ZNF595: variants seen among roughly 807,000 people sequenced by gnomAD.
ZNF595 encodes the protein zinc finger protein 595.
Under a neutral mutation model 19.4 loss-of-function variants are expected in ZNF595, and 9 were observed. That is an observed-to-expected ratio of 0.46 (90% CI 0.28 to 0.81). The LOEUF (loss-of-function observed/expected upper bound fraction) is 0.81. Among genes scored for constraint, ZNF595 ranks in the 30% least tolerant of loss-of-function variants. The pLI, the probability that ZNF595 is intolerant of heterozygous loss-of-function variation, is 0.11. For missense variants in ZNF595, 729 were observed against 736.0 expected (o/e 0.99, Z 0.11); for synonymous variants, 255 against 255.9 (o/e 1.00, Z 0.03).
chr4:76,829 G>C (rs1713683595), intron 3 of ZNF595, among the ~76,000 whole-genome samples: 2 of 152,030 alleles, frequency 1.3e-5, no homozygotes, highest in South Asian at 4.1e-4. Context: ...TAACCTTATA[G>C]GGGTTCCCTT....
intron 3 of ZNF595, among the ~76,000 whole-genome samples, chr4:77,760 T>C (rs1713732207): frequency 6.6e-6 from 1 of 152,140 alleles, no homozygotes; most frequent in South Asian, 2.1e-4. Context: ...TCAATAAGAC[T>C]GGCCTGAGAC....
Position 87,024 on chromosome 4 carries a change from C to T in ZNF595, c.1520C>T (p.Pro507Leu). The T allele has an allele frequency of 5.0e-6, 8 of 1,613,786 alleles. No homozygotes were observed. Among genetic ancestry groups the T allele is most frequent in the Non-Finnish European group, 5.9e-6 (7 of 1,179,928 alleles). Reference sequence around the variant, plus strand: ...AAGAATATTCATACTGGAGAGAAACCCTACAAATGTAAAGAATGTGGCAAA... The same window carrying T: ...AAGAATATTCATACTGGAGAGAAACTCTACAAATGTAAAGAATGTGGCAAA... ...EHKNIHTGEK[P>L]YKCKECGKAF... is the part of the protein sequence containing the mutation. The change falls in exon 4 of 4, where the codon CCC (proline) becomes CTC (leucine). Residue 507 changes from proline (P) to leucine (L), a missense_variant. Coordinates refer to ENST00000610261, the MANE Select transcript of ZNF595 (RefSeq NM_182524.4).
intron 3 of ZNF595, among the ~76,000 whole-genome samples, chr4:67,082 G>A (rs1394074004): frequency 9.3e-4 from 132 of 141,966 alleles, no homozygotes; most frequent in African/African-American, 3.3e-3. Context: ...TCAAGAGTGT[G>A]TTGAGTTTCA....
chr4:66,023 T>A (rs1281194789), intron 3 of ZNF595, among the ~76,000 whole-genome samples: 3 of 126,912 alleles, frequency 2.4e-5, no homozygotes, highest in African/African-American at 9.3e-5. Context: ...TTTAAATAGA[T>A]GCTCAGAAGT....
intron 3 of ZNF595, among the ~76,000 whole-genome samples, chr4:62,042 T>C (rs1430826246): frequency 7.8e-6 from 1 of 128,778 alleles, no homozygotes; most frequent in Non-Finnish European, 1.6e-5. Flanking sequence ...TGAGGTCTAC[T>C]GTTGTAGCAA....
At chr4:79,620 T>G (rs1013767891) in intron 3 of ZNF595, among the ~76,000 whole-genome samples, 1 of 152,076 alleles carries the variant, frequency 6.6e-6, no homozygotes, top group Non-Finnish European at 1.5e-5. Context: ...GTTTTGCTTA[T>G]TATAGCTTTA....
At position 54,773 on chromosome 4, in the gene ZNF595, T is replaced by G. The variant is rs1581309155; in HGVS notation, c.3+1282T>G. 7.9e-5 allele frequency among the ~76,000 whole-genome samples: 12 copies of G among 152,178 alleles called. No homozygotes were observed. The South Asian group carries it at 2.5e-3, about 32-fold the overall frequency. On this transcript the variant is annotated intron_variant, in intron 1 of 3. Transcript: ENST00000610261. ...CACCCACCCAGGCTTCCGGACCACC[T>G]GATCCTAATCCCTTCTGTCTTTGTA... is the stretch of plus-strand genomic sequence containing the variant.
rs545977512 is a variant in ZNF595, at chr4:70,262, A to C, written c.226+10109A>C. Among the ~76,000 whole-genome samples the C allele has an allele frequency of 3.7e-4, 56 of 152,016 alleles. 1 individual carries two copies. The highest frequency in any genetic ancestry group is 1.4e-3 in the African/African-American group (56 of 41,466). On this transcript the variant is annotated intron_variant, in intron 3 of 3. Transcript: ENST00000610261. ...AATCCATTTTGATTTAATTTTTTAT[A>C]TGGCCAGAGATAGGGGTCTAGTTTC...
intron 3 of ZNF595, among the ~76,000 whole-genome samples, chr4:77,735 T>A (rs1175391903): frequency 6.6e-6 from 1 of 152,196 alleles, no homozygotes; most frequent in Non-Finnish European, 1.5e-5. Context: ...GACTAGACTT[T>A]CTTCAAGAAC....
chr4:76,465 A>G (rs1713664491), intron 3 of ZNF595, among the ~76,000 whole-genome samples: 1 of 152,156 alleles, frequency 6.6e-6, no homozygotes. Flanking sequence ...TACCAGAGTT[A>G]AAAGGGATTT....
Position 87,450 on chromosome 4 carries a change from G to T in ZNF595, c.1946G>T (p.Ter649LeuextTer33), listed in dbSNP as rs374526814. ...KRIHTGKEHS[*>L] Reference sequence around the variant, plus strand: ...ATTCATACTGGCAAGGAACATAGTTGAATGACATTTCTAGTAATCTCTAAT... The same window carrying T: ...ATTCATACTGGCAAGGAACATAGTTTAATGACATTTCTAGTAATCTCTAAT... Residue 649 changes from the stop codon to leucine (L), a stop_lost, in exon 4 of 4, where the codon TGA (stop) becomes TTA (leucine). Coordinates refer to ENST00000610261, the MANE Select transcript of ZNF595 (RefSeq NM_182524.4). The T allele has an allele frequency of 1.3e-6, 2 of 1,562,542 alleles. No individual in the cohort carries two copies. The highest frequency in any genetic ancestry group is 2.7e-5 in the African/African-American group (2 of 73,466).
In ZNF595 at chr4:87,201, G is replaced by A; in HGVS notation, c.1697G>A (p.Cys566Tyr). 1 of 1,596,600 alleles carries A rather than the reference G, an allele frequency of 6.3e-7. No individual in the cohort carries two copies. Among genetic ancestry groups the A allele is most frequent in the South Asian group, 1.1e-5 (1 of 90,482 alleles). ...KIHSGEKPYKCKECGKAYNLS... is the reference protein window; with the variant it reads ...KIHSGEKPYKYKECGKAYNLS... ...CATTCTGGAGAGAAACCCTACAAAT[G>A]CAAAGAATGTGGCAAAGCCTATAAC... Residue 566 changes from cysteine to tyrosine, a missense_variant, in exon 4 of 4, where the codon TGC becomes TAC. Physicochemically the swap from Cys to Tyr is radical, Grantham distance 194. This residue lies in a region of ZNF595 where 729 missense variants were observed against 675.3 expected (regional missense o/e 1.08). Coordinates refer to ENST00000610261, the MANE Select transcript of ZNF595 (RefSeq NM_182524.4).
rs782133745 is a variant in ZNF595 at position 87,482 on chromosome 4, G to A, written c.*31G>A. Reference sequence around the variant, plus strand: ...ATTTCTAGTAATCTCTAATTCCAGTGTCTTTACACAGCAAATAAATTGGAG... The same window carrying A: ...ATTTCTAGTAATCTCTAATTCCAGTATCTTTACACAGCAAATAAATTGGAG... On this transcript the variant is annotated 3_prime_UTR_variant, in exon 4 of 4. Coordinates refer to ENST00000610261, the MANE Select transcript of ZNF595 (RefSeq NM_182524.4). The A allele has an allele frequency of 6.7e-7, 1 of 1,482,202 alleles. No homozygotes were observed. Among genetic ancestry groups the A allele is most frequent in the East Asian group, 2.3e-5 (1 of 43,156 alleles). 91.8% of individuals were successfully genotyped at this position (1,482,202 alleles called of 1,614,324 possible).
At position 86,624 on chromosome 4, in the gene ZNF595, G is replaced by C. The variant is rs1433746745; in HGVS notation, c.1120G>C (p.Gly374Arg). Residue 374 changes from glycine to arginine, a missense_variant, in exon 4 of 4, where the codon GGC (glycine) becomes CGC (arginine). This residue lies in a region of ZNF595 where 729 missense variants were observed against 675.3 expected (regional missense o/e 1.08). Transcript: ENST00000610261. ...EQKLYKCEEC[G>R]KAFTWSSSLN... is the part of the protein sequence containing the mutation. Reference sequence around the variant, plus strand: ...AAAACTTTACAAATGTGAAGAATGTGGCAAAGCCTTTACTTGGTCCTCATC... The same window carrying C: ...AAAACTTTACAAATGTGAAGAATGTCGCAAAGCCTTTACTTGGTCCTCATC... 6.2e-7 allele frequency: 1 copy of C among 1,613,408 alleles called. No homozygotes were observed. Among genetic ancestry groups the C allele is most frequent in the Non-Finnish European group, 8.5e-7 (1 of 1,179,806 alleles).
At chr4:64,679 C>G (rs1189061663) in intron 3 of ZNF595, among the ~76,000 whole-genome samples, 1 of 152,274 alleles carries the variant, frequency 6.6e-6, no homozygotes, top group Non-Finnish European at 1.5e-5. Flanking sequence ...TGAGAACTTA[C>G]CATACATCTG....
In ZNF595 at chr4:82,448, A is replaced by G. The variant is rs1220510238; in HGVS notation, c.227-3283A>G. 2.4e-5 allele frequency among the ~76,000 whole-genome samples: 3 copies of G among 125,672 alleles called. No individual in the cohort carries two copies. In the East Asian group the frequency reaches 7.6e-4, roughly 32 times the overall value. The allele number at this position is 125,672 out of a possible 152,430, so 82.4% of individuals were successfully genotyped here. A position where few individuals can be genotyped will look rare whatever the true frequency, so the allele number is the denominator to read the frequency against. On this transcript the variant is annotated intron_variant, in intron 3 of 3. Transcript: ENST00000610261. ...GCCCAAGCTGGAGTGCAACAGCGTG[A>G]TCTCAGCTCACCACAACCCTCTGCC...
intron 3 of ZNF595, chr4:67,741 TA>T (rs1713205942): frequency 2.6e-6 from 1 of 384,604 alleles, no homozygotes; most frequent in Admixed American, 4.1e-5. Flanking sequence ...ACTGGTATTT[TA>T]AAATTGAGTT....
intron 3 of ZNF595, among the ~76,000 whole-genome samples, chr4:77,382 C>T (rs1713716703): frequency 6.6e-6 from 1 of 151,236 alleles, no homozygotes. Flanking sequence ...ATTATTTTGA[C>T]TTCTTAGCCA....
intron 3 of ZNF595, among the ~76,000 whole-genome samples, chr4:79,039 A>G (rs537695323): frequency 1.4e-4 from 22 of 152,312 alleles, no homozygotes; most frequent in African/African-American, 4.6e-4. Context: ...CATTTACTTT[A>G]TTTTGCAATG....
Sources: allele counts gnomAD v4.1 joint callset (sites outside exome capture counted in the v4.1 genomes callset), GRCh38; gene constraint gnomAD v4.1.1; regional missense constraint gnomAD v4.1.1; transcripts MANE v1.5; gene names NCBI Gene and HGNC (gene_info 2026-07-23, HGNC 2026-07-21).